KCNH5: variants seen among roughly 807,000 people sequenced by gnomAD.
KCNH5 encodes the protein potassium voltage-gated channel subfamily H member 5.
KCNH5 carries 46 observed loss-of-function variants against 96.1 expected under a neutral mutation model. The observed-to-expected ratio is 0.48, with a 90% confidence interval of 0.38 to 0.61. KCNH5 has a LOEUF of 0.61. Among genes scored for constraint, KCNH5 ranks in the 20% least tolerant of loss-of-function variants. KCNH5 has a pLI of 0.00. For missense variants in KCNH5, 907 were observed against 1,225.8 expected (o/e 0.74, Z 3.88); for synonymous variants, 439 against 449.8 (o/e 0.98, Z 0.30).
At chr14:62,884,918 A>T (rs1049933004) in intron 7 of KCNH5, among the ~76,000 whole-genome samples, 3 of 152,238 alleles carry the variant, frequency 2.0e-5, no homozygotes, top group Admixed American at 2.0e-4. Flanking sequence ...AAATGCTTTA[A>T]ATACAACATA....
chr14:62,947,491 T>C (rs369988178), intron 7 of KCNH5, among the ~76,000 whole-genome samples: 40 of 152,308 alleles, frequency 2.6e-4, no homozygotes, highest in African/African-American at 9.4e-4. Context: ...CCTGTTCTTG[T>C]TCCTATACCT....
At chr14:62,777,403 T>C (rs183675498) in intron 10 of KCNH5, among the ~76,000 whole-genome samples, 3 of 152,212 alleles carry the variant, frequency 2.0e-5, no homozygotes, top group African/African-American at 4.8e-5. Context: ...TTGTGGGTCG[T>C]TGACATTTAA....
rs1328905354 is a variant in KCNH5 at position 62,748,497 on chromosome 14, C to A, written c.2019+31231G>T. ...GAAGATGCAGCCCAGCAAGTCATGG[C>A]CCCATTTTCCCAGCCCTTATTCAAG... On this transcript the variant is annotated intron_variant, in intron 10 of 10. Transcript: ENST00000322893. 3.3e-5 allele frequency among the ~76,000 whole-genome samples: 5 copies of A among 152,100 alleles called. No individual in the cohort carries two copies. The East Asian group carries it at 9.6e-4, about 29-fold the overall frequency.
intron 10 of KCNH5, among the ~76,000 whole-genome samples, chr14:62,732,488 A>G (rs1885071223): frequency 7.6e-6 from 1 of 131,676 alleles, no homozygotes; most frequent in Non-Finnish European, 1.7e-5. Flanking sequence ...CTGATAAAGG[A>G]AAAAAAAAAA....
At position 62,877,300 on chromosome 14, in the gene KCNH5, T is replaced by C. The variant is rs551669941; in HGVS notation, c.1370-27448A>G. Among the ~76,000 whole-genome samples, 422 of 151,646 alleles carry C rather than the reference T, an allele frequency of 2.8e-3. 2 individuals are homozygous for C. Among genetic ancestry groups the C allele is most frequent in the African/African-American group, 0.01 (413 of 41,296 alleles). On this transcript the variant is annotated intron_variant, in intron 7 of 10. Coordinates refer to ENST00000322893, the MANE Select transcript of KCNH5 (RefSeq NM_139318.5). ...TAGGCATGGGCAAGGACTTCATGTC[T>C]AAAACACCAAAAGCAATGGCAACAA...
intron 7 of KCNH5, among the ~76,000 whole-genome samples, chr14:62,886,834 G>A (rs1013212214): frequency 5.9e-5 from 9 of 152,070 alleles, no homozygotes; most frequent in African/African-American, 1.9e-4. Context: ...AAAAAAGGGA[G>A]GAACTAATAC....
intron 10 of KCNH5, among the ~76,000 whole-genome samples, chr14:62,776,221 C>T (rs1243227080): frequency 2.6e-5 from 4 of 151,634 alleles, no homozygotes; most frequent in African/African-American, 7.3e-5. Context: ...GAGTCGAGAT[C>T]GCACCACTGC....
chr14:62,727,101 G>C (rs77731035), intron 10 of KCNH5, among the ~76,000 whole-genome samples: 4,149 of 151,246 alleles, frequency 0.027, 116 homozygotes, highest in African/African-American at 0.078. Context: ...AGAGTGGCTT[G>C]TGCCTATAAT....
At chr14:62,906,017 T>C (rs991281959) in intron 7 of KCNH5, among the ~76,000 whole-genome samples, 1 of 152,178 alleles carries the variant, frequency 6.6e-6, no homozygotes, top group African/African-American at 2.4e-5. Context: ...ACATCTAAGG[T>C]AAAACTTTTA....
intron 10 of KCNH5, among the ~76,000 whole-genome samples, chr14:62,729,544 C>A (rs114496347): frequency 0.018 from 2,666 of 152,210 alleles, 69 homozygotes; most frequent in African/African-American, 0.062. Flanking sequence ...GTCTGGAGAT[C>A]CTGGACTTTG....
At chr14:62,753,512 T>C (rs1885548905) in intron 10 of KCNH5, among the ~76,000 whole-genome samples, 1 of 152,052 alleles carries the variant, frequency 6.6e-6, no homozygotes, top group Non-Finnish European at 1.5e-5. Context: ...AAAGCAGATT[T>C]AACCCAAAGA....
At chr14:62,982,311 G>C (rs1217335652) in intron 5 of KCNH5, among the ~76,000 whole-genome samples, 2 of 151,948 alleles carry the variant, frequency 1.3e-5, no homozygotes, top group Non-Finnish European at 2.9e-5. Flanking sequence ...CCTGGCGACA[G>C]AGCGAGACTC....
intron 7 of KCNH5, among the ~76,000 whole-genome samples, chr14:62,910,998 T>C (rs566675454): frequency 6.6e-6 from 1 of 151,752 alleles, no homozygotes; most frequent in African/African-American, 2.4e-5. Flanking sequence ...ATGGAACATA[T>C]TATACATTTG....
intron 7 of KCNH5, among the ~76,000 whole-genome samples, chr14:62,859,323 T>C (rs1181213737): frequency 1.3e-5 from 2 of 152,190 alleles, no homozygotes; most frequent in Non-Finnish European, 2.9e-5. Flanking sequence ...GAAGTCCATG[T>C]TGCTGAGCCC....
intron 8 of KCNH5, among the ~76,000 whole-genome samples, chr14:62,817,136 AATAT>A (rs570238460): frequency 1.8e-4 from 25 of 139,006 alleles, no homozygotes; most frequent in African/African-American, 6.3e-4. Context: ...TATAATATAT[AATAT>A]ATATATACAC....
chr14:62,865,160 G>A (rs1458766352), intron 7 of KCNH5, among the ~76,000 whole-genome samples: 2 of 152,080 alleles, frequency 1.3e-5, no homozygotes, highest in Non-Finnish European at 2.9e-5. Context: ...CAGAGAGCAA[G>A]GTGAAGGACA....
intron 8 of KCNH5, among the ~76,000 whole-genome samples, chr14:62,849,024 T>C (rs1422930585): frequency 6.6e-6 from 1 of 152,218 alleles, no homozygotes; most frequent in Non-Finnish European, 1.5e-5. Flanking sequence ...TCTTGAGTTC[T>C]TCTTTGCCCC....
chr14:62,785,486 C>T (rs575595432), intron 9 of KCNH5, among the ~76,000 whole-genome samples: 6 of 152,256 alleles, frequency 3.9e-5, no homozygotes, highest in South Asian at 4.1e-4. Flanking sequence ...GGTCAGCTCC[C>T]GCTGGGTACA....
intron 4 of KCNH5, among the ~76,000 whole-genome samples, chr14:62,993,314 T>C (rs1015577909): frequency 1.3e-5 from 2 of 152,058 alleles, no homozygotes; most frequent in Non-Finnish European, 2.9e-5. Context: ...TTTAGTTCCA[T>C]ATGAATTTTA....
Sources: gnomAD v4.1 joint callset for allele counts (sites outside exome capture counted in the v4.1 genomes callset) on GRCh38, gnomAD v4.1.1 for gene constraint, MANE v1.5 for transcripts, NCBI Gene and HGNC (gene_info 2026-07-23, HGNC 2026-07-21) for gene names.